Variants in RAP1GAP2 observed in about 807,000 individuals in gnomAD.
The protein encoded by RAP1GAP2 is RAP1 GTPase activating protein 2.
Under a neutral mutation model 95.0 loss-of-function variants are expected in RAP1GAP2, and 27 were observed. That is an observed-to-expected ratio of 0.28 (90% confidence interval 0.21 to 0.39). The LOEUF is 0.39. RAP1GAP2 is among the 10% of genes least tolerant of loss of function. RAP1GAP2 has a pLI of 1.00. For missense variants in RAP1GAP2, 771 were observed against 970.0 expected (o/e 0.79, Z 2.72); for synonymous variants, 373 against 380.9 (o/e 0.98, Z 0.24).
At chr17:2,925,225 T>G (rs2042913030) in intron 3 of RAP1GAP2, among the ~76,000 whole-genome samples, 1 of 152,190 alleles carries the variant, frequency 6.6e-6, no homozygotes, top group Non-Finnish European at 1.5e-5. Context: ...CACAGAAACC[T>G]TCCTCCAAAA....
rs1425090719 is a variant in RAP1GAP2 at position 3,027,003 on chromosome 17, C to T, written c.2040C>T (p.Ser680=). Residue 680 remains serine, a synonymous_variant, in exon 22 of 25, where the codon TCC becomes TCT. Coordinates refer to ENST00000254695, the MANE Select transcript of RAP1GAP2 (RefSeq NM_015085.5). This position sits in a 1 kb window ranked among gnomAD's most constrained non-coding sequence, Gnocchi z 5.2. ...FKQEVFVYSP[S]PSSESPSLGA... ...AGGAGGTGTTTGTCTACAGCCCGTCCCCGAGCAGCGAGAGCCCCAGCCTGG... is the reference window on the plus strand; with the variant it reads ...AGGAGGTGTTTGTCTACAGCCCGTCTCCGAGCAGCGAGAGCCCCAGCCTGG... 20 of 1,563,596 alleles carry T rather than the reference C, an allele frequency of 1.3e-5. No individual in the cohort carries two copies. The Admixed American group carries it at 3.2e-4, about 25-fold the overall frequency.
intron 1 of RAP1GAP2, among the ~76,000 whole-genome samples, chr17:2,789,156 C>A (rs2068860518): frequency 6.6e-6 from 1 of 152,102 alleles, no homozygotes; most frequent in Admixed American, 6.6e-5. Context: ...AAGTGATCCT[C>A]CCACCTCAGC....
rs1412760491 is a variant in RAP1GAP2 at position 3,026,339 on chromosome 17, A to G, written c.1866-11A>G. On this transcript the variant is annotated splice_polypyrimidine_tract_variant and intron_variant, in intron 20 of 24. Coordinates refer to ENST00000254695, the MANE Select transcript of RAP1GAP2 (RefSeq NM_015085.5). ...GTGACCCGGGCTGGCCTCACTTCCTATTCCCTGCAGGCCCTTCATGAAGTT... is the reference window on the plus strand; with the variant it reads ...GTGACCCGGGCTGGCCTCACTTCCTGTTCCCTGCAGGCCCTTCATGAAGTT... The G allele has an allele frequency of 5.2e-6, 8 of 1,546,050 alleles. No homozygotes were observed. Among genetic ancestry groups the G allele is most frequent in the Non-Finnish European group, 7.0e-6 (8 of 1,142,730 alleles).
intron 17 of RAP1GAP2, among the ~76,000 whole-genome samples, chr17:3,016,125 C>T (rs187737298): frequency 4.8e-4 from 73 of 152,364 alleles, no homozygotes; most frequent in Non-Finnish European, 8.4e-4. Flanking sequence ...TCTTTCCCCT[C>T]TGCCCTCCCT....
chr17:2,801,597 ATGTGTGTGTGTG>A lies in RAP1GAP2; in HGVS notation c.80+1088_80+1099del, dbSNP rs71150898. ...AGGACCTGACTAAACACTCCAGGGT[ATGTGTGTGTGTG>A]TGTGTGTGTGTGTGTGTGTGTGTGT... On this transcript the variant is annotated intron_variant, in intron 2 of 24. Transcript: ENST00000254695. Among the ~76,000 whole-genome samples, 585 of 121,936 alleles carry A rather than the reference ATGTGTGTGTGTG, an allele frequency of 4.8e-3. 2 individuals carry two copies. The highest frequency in any genetic ancestry group is 0.015 in the African/African-American group (460 of 30,786). The allele number at this position is 121,936 out of a possible 152,430, so 80.0% of individuals were successfully genotyped here.
chr17:2,924,625 C>A (rs1029293670), intron 3 of RAP1GAP2, among the ~76,000 whole-genome samples: 1 of 150,524 alleles, frequency 6.6e-6, no homozygotes, highest in Non-Finnish European at 1.5e-5. Context: ...AGGGGGAAAG[C>A]GAATGAGATG....
intron 3 of RAP1GAP2, among the ~76,000 whole-genome samples, chr17:2,926,033 A>C (rs2042945121): frequency 6.6e-6 from 1 of 151,362 alleles, no homozygotes; most frequent in South Asian, 2.1e-4. Flanking sequence ...CCAGCTACTC[A>C]GGAGAGTGAG....
chr17:2,929,634 G>T (rs970635529), intron 3 of RAP1GAP2, among the ~76,000 whole-genome samples: 1 of 152,152 alleles, frequency 6.6e-6, no homozygotes, highest in African/African-American at 2.4e-5. Context: ...GCCCTCTTCC[G>T]TTGCTTAGGC....
At chr17:2,928,327 C>A (rs2043032973) in intron 3 of RAP1GAP2, among the ~76,000 whole-genome samples, 1 of 152,188 alleles carries the variant, frequency 6.6e-6, no homozygotes, top group Admixed American at 6.5e-5. Context: ...ATAATGACAC[C>A]TAATCCTGCA....
intron 1 of RAP1GAP2, among the ~76,000 whole-genome samples, chr17:2,779,969 C>T (rs2068601109): frequency 6.6e-6 from 1 of 151,850 alleles, no homozygotes; most frequent in South Asian, 2.1e-4. Context: ...GAAGGGAGGG[C>T]ATTGGGTGAG....
chr17:2,804,802 A>G (rs932412216), intron 2 of RAP1GAP2, among the ~76,000 whole-genome samples: 1 of 152,176 alleles, frequency 6.6e-6, no homozygotes, highest in Admixed American at 6.5e-5. Flanking sequence ...CAGGAGAAGG[A>G]GGCTTGTGTG....
intron 3 of RAP1GAP2, among the ~76,000 whole-genome samples, chr17:2,923,081 C>T (rs2042842684): frequency 1.3e-5 from 2 of 149,206 alleles, no homozygotes; most frequent in African/African-American, 4.9e-5. Flanking sequence ...TGCTCTGTTG[C>T]CAGGCTGGAG....
intron 2 of RAP1GAP2, among the ~76,000 whole-genome samples, chr17:2,818,946 G>C (rs2070160240): frequency 6.6e-6 from 1 of 152,070 alleles, no homozygotes; most frequent in Admixed American, 6.6e-5. Context: ...AACAGAGAGG[G>C]GATGTAGCAG....
chr17:3,010,694 C>T (rs977906024), intron 17 of RAP1GAP2, among the ~76,000 whole-genome samples: 9 of 152,246 alleles, frequency 5.9e-5, no homozygotes, highest in African/African-American at 1.9e-4. Flanking sequence ...GAGGGGCTTA[C>T]AAGAGAGGAA....
chr17:2,800,569 T>C lies in RAP1GAP2; in HGVS notation c.80+19T>C, dbSNP rs369499505. 5.0e-5 allele frequency: 80 copies of C among 1,610,682 alleles called. No homozygotes were observed. The highest frequency in any genetic ancestry group is 4.8e-5 in the Non-Finnish European group (56 of 1,178,522). ...AGGTCAAGTAAGTAGCAATTTCCTG[T>C]TCTGTAAAGGTCAGAGATGACGCGG... On this transcript the variant is annotated intron_variant, in intron 2 of 24. Coordinates refer to ENST00000254695, the MANE Select transcript of RAP1GAP2 (RefSeq NM_015085.5).
At chr17:2,962,598 C>T (rs1260711448) in intron 4 of RAP1GAP2, 72 bp from the exon 5 acceptor site, 9 of 1,464,354 alleles carry the variant, frequency 6.1e-6, no homozygotes, top group African/African-American at 1.4e-5. Context: ...CCTGTAAGGC[C>T]AGGTGCTCTT....
intron 8 of RAP1GAP2, among the ~76,000 whole-genome samples, chr17:2,977,958 G>A (rs188395527): frequency 6.6e-6 from 1 of 152,124 alleles, no homozygotes; most frequent in East Asian, 1.9e-4. Context: ...CCCAGTGGAT[G>A]CCCAAAATGT....
intron 17 of RAP1GAP2, among the ~76,000 whole-genome samples, chr17:3,010,395 T>A (rs1271583921): frequency 6.9e-6 from 1 of 144,218 alleles, no homozygotes; most frequent in Non-Finnish European, 1.5e-5. Context: ...GCCAACATAA[T>A]GTTGTATTTT....
chr17:2,894,558 G>A (rs2073824273), intron 2 of RAP1GAP2, among the ~76,000 whole-genome samples: 1 of 152,124 alleles, frequency 6.6e-6, no homozygotes, highest in Admixed American at 6.6e-5. Flanking sequence ...AGGTTTTAGT[G>A]CTGTTCTGAT....
Sources: allele counts gnomAD v4.1 joint callset (sites outside exome capture counted in the v4.1 genomes callset), GRCh38; gene constraint gnomAD v4.1.1; non-coding constraint Gnocchi (gnomAD v3.1); transcripts MANE v1.5; gene names NCBI Gene and HGNC (gene_info 2026-07-23, HGNC 2026-07-21).